The following HINFP variants were observed in gnomAD, a reference collection of about 807,000 sequenced individuals.
HINFP encodes histone H4 transcription factor, also known as MBD2 (methyl-CpG-binding protein)-interacting zinc finger protein.
HINFP carries 20 observed loss-of-function variants against 50.1 expected under a neutral mutation model. The ratio of observed to expected loss-of-function variants is 0.40; its 90% CI spans 0.28 to 0.58. HINFP has a LOEUF of 0.58. HINFP is among the 20% of genes least tolerant of loss of function. HINFP has a pLI of 0.45. For synonymous variants in HINFP, 247 were observed against 243.7 expected, an observed-to-expected ratio of 1.01 and a Z score of -0.13; for missense variants, 505 against 664.1, an observed-to-expected ratio of 0.76 and a Z score of 2.63.
At position 119,131,669 on chromosome 11, in the gene HINFP, G is replaced by A. The variant is rs760411445; in HGVS notation, c.523+23G>A. On this transcript the variant is annotated intron_variant, in intron 4 of 9. Transcript: ENST00000350777. The surrounding 1 kb of genome is among the most constrained non-coding windows in gnomAD (Gnocchi z 4.2). ...AAGGTAGGGCTGCTTCTTAACTTGTGGCTTCTGGAGGAAACGCTGGGGTTC... is the reference window on the plus strand; with the variant it reads ...AAGGTAGGGCTGCTTCTTAACTTGTAGCTTCTGGAGGAAACGCTGGGGTTC... 1 of 1,604,300 alleles carries A rather than the reference G, an allele frequency of 6.2e-7. No homozygotes were observed. The highest frequency in any genetic ancestry group is 1.7e-5 in the Admixed American group (1 of 60,006).
chr11:119,134,375 G>C lies in HINFP; in HGVS notation c.1431G>C (p.Glu477Asp). The part of the protein sequence containing the change: ...VNQTNAQGQQ[E>D]IVYYVLSEAP... ...AGACCAATGCCCAAGGCCAGCAAGA[G>C]ATCGTCTACTATGTGCTGTCTGAAG... Residue 477 changes from glutamate to aspartate, a missense_variant, in exon 10 of 10, where the codon GAG becomes GAC. Physicochemically the swap from Glu to Asp is conservative, Grantham distance 45. Coordinates refer to ENST00000350777, the MANE Select transcript of HINFP (RefSeq NM_198971.3). The surrounding 1 kb of genome is among the most constrained non-coding windows in gnomAD (Gnocchi z 4.3). 6.2e-7 allele frequency: 1 copy of C among 1,614,188 alleles called. No individual in the cohort carries two copies. Among genetic ancestry groups the C allele is most frequent in the Non-Finnish European group, 8.5e-7 (1 of 1,180,002 alleles).
intron 1 of HINFP, chr11:119,126,077 G>T (rs1205468140): frequency 6.6e-6 from 1 of 152,170 alleles, no homozygotes; most frequent in Admixed American, 6.5e-5. Flanking sequence ...TACCAGCTGG[G>T]CGTGGTGGCT....
intron 2 of HINFP, chr11:119,130,269 C>G (rs981496880): frequency 5.9e-6 from 1 of 168,658 alleles, no homozygotes; most frequent in Non-Finnish European, 1.3e-5. Flanking sequence ...CTTGCACACA[C>G]TCTCACCTCT....
rs1947931715 is a variant in HINFP at position 119,134,071 on chromosome 11, C to T, written c.1140-13C>T. On this transcript the variant is annotated splice_polypyrimidine_tract_variant and intron_variant, in intron 9 of 9. Transcript: ENST00000350777. This position sits in a 1 kb window ranked among gnomAD's most constrained non-coding sequence, Gnocchi z 4.3. ...GCCTGGGTTTGCTGCCCTTTATGCT[C>T]CTACCTCACCAGGTACAAGGAACAT... 2 of 1,614,142 alleles carry T rather than the reference C, an allele frequency of 1.2e-6. No homozygotes were observed.
In HINFP at chr11:119,133,167, C is replaced by T; in HGVS notation, c.1087C>T (p.His363Tyr). The change falls in exon 9 of 10, where the codon CAC becomes TAC. Residue 363 changes from histidine to tyrosine, a missense_variant. Transcript: ENST00000350777. ...CACACGGGGCAACAACCTCACCGTG[C>T]ACCTTCGCAAGAAGCACCAGTTCAA... ...CFTRGNNLTVHLRKKHQFKWP... is the reference protein window; with the variant it reads ...CFTRGNNLTVYLRKKHQFKWP... The T allele has an allele frequency of 1.2e-6, 2 of 1,614,248 alleles. No homozygotes were observed. The highest frequency in any genetic ancestry group is 1.7e-6 in the Non-Finnish European group (2 of 1,180,044).
intron 1 of HINFP, chr11:119,126,316 A>G (rs1565789944): frequency 6.7e-6 from 1 of 148,686 alleles, no homozygotes; most frequent in Non-Finnish European, 1.5e-5. Flanking sequence ...AAATCGAGCC[A>G]TTGCACTCCA....
intron 5 of HINFP, 141 bp downstream of exon 5, chr11:119,132,123 CTCTT>C: frequency 1.2e-6 from 1 of 835,518 alleles, no homozygotes; most frequent in South Asian, 1.6e-5. Context: ...CTCCCATAGT[CTCTT>C]TGCTGATTCA....
chr11:119,132,539 A>G lies in HINFP; in HGVS notation c.720A>G (p.Thr240=), dbSNP rs1309630196. The stretch of plus-strand genomic sequence containing the variant: ...CTCACTGTTCCAAGAGATTTGCCAC[A>G]GAGCGGCTATTGCGGGACCACATGC... ...QCSHCSKRFA[T]ERLLRDHMRN... Residue 240 remains threonine, a synonymous_variant, in exon 6 of 10, where the codon ACA becomes ACG. Coordinates refer to ENST00000350777, the MANE Select transcript of HINFP (RefSeq NM_198971.3). 2 of 1,614,190 alleles carry G rather than the reference A, an allele frequency of 1.2e-6. No individual in the cohort carries two copies. Among genetic ancestry groups the G allele is most frequent in the East Asian group, 2.2e-5 (1 of 44,874 alleles).
chr11:119,123,048 A>T (rs1947164825), intron 1 of HINFP, among the ~76,000 whole-genome samples: 1 of 133,520 alleles, frequency 7.5e-6, no homozygotes, highest in Non-Finnish European at 1.5e-5. Context: ...GAATCGCTTG[A>T]ACCTGGGAGG....
intron 1 of HINFP, chr11:119,123,705 T>G (rs998880056): frequency 3.1e-5 from 3 of 96,658 alleles, no homozygotes; most frequent in Non-Finnish European, 4.3e-5. Context: ...CCACATCGGC[T>G]GTTTTTTTTT....
At position 119,135,101 on chromosome 11, in the gene HINFP, G is replaced by C. The variant is rs200354127; in HGVS notation, c.*603G>C. 1 of 152,680 alleles carries C rather than the reference G, an allele frequency of 6.5e-6. No homozygotes were observed. The highest frequency in any genetic ancestry group is 1.5e-5 in the Non-Finnish European group (1 of 68,090). The allele number at this position is 152,680 out of a possible 1,614,324, so 9.5% of individuals were successfully genotyped here. ...GTGGCAGTTTACTAGGTAATGAGGA[G>C]ATACAGCCACCCAGAAGAGGAGCTG... On this transcript the variant is annotated 3_prime_UTR_variant, in exon 10 of 10. Transcript: ENST00000350777.
In HINFP at chr11:119,135,535, T is replaced by C. The variant is rs926447129; in HGVS notation, c.*1037T>C. 6.6e-6 allele frequency: 1 copy of C among 152,110 alleles called. No homozygotes were observed. The highest frequency in any genetic ancestry group is 1.5e-5 in the Non-Finnish European group (1 of 68,018). The allele number at this position is 152,110 out of a possible 1,614,324, so 9.4% of individuals were successfully genotyped here. A position where few individuals can be genotyped will look rare whatever the true frequency, so the allele number is the denominator to read the frequency against. On this transcript the variant is annotated 3_prime_UTR_variant, in exon 10 of 10. Transcript: ENST00000350777. ...TGCATTTTCCTGGGGAAAGGATCTG[T>C]TTTTTGCTAGATTATCAAAGAGATT... is the stretch of plus-strand genomic sequence containing the variant.
Position 119,134,649 on chromosome 11 carries a change from C to G in HINFP, c.*151C>G. On this transcript the variant is annotated 3_prime_UTR_variant, in exon 10 of 10. Coordinates refer to ENST00000350777, the MANE Select transcript of HINFP (RefSeq NM_198971.3). This position sits in a 1 kb window ranked among gnomAD's most constrained non-coding sequence, Gnocchi z 4.3. ...CACTCTGGCCTGGGTTTGCATCATT[C>G]TGCAGACTCTAAAGACTTCCCTTTT... 3.3e-6 allele frequency: 2 copies of G among 600,906 alleles called. No homozygotes were observed. The highest frequency in any genetic ancestry group is 4.7e-5 in the South Asian group (2 of 42,132). The allele number at this position is 600,906 out of a possible 1,614,324, so 37.2% of individuals were successfully genotyped here. A position where few individuals can be genotyped will look rare whatever the true frequency, so the allele number is the denominator to read the frequency against.
chr11:119,130,700 C>T, intron 2 of HINFP, 25 bp from the exon 3 acceptor site: 1 of 1,605,294 alleles, frequency 6.2e-7, no homozygotes, highest in Admixed American at 1.7e-5. Context: ...GTGTCAGACT[C>T]TTCCTTTTAA....
At position 119,132,717 on chromosome 11, in the gene HINFP, C is replaced by T. The variant is rs562905964; in HGVS notation, c.811C>T (p.Arg271Cys). The change falls in exon 7 of 10, where the codon CGC becomes TGC. Residue 271 changes from arginine (R) to cysteine (C), a missense_variant. Physicochemically the swap from Arg to Cys is radical, Grantham distance 180. Coordinates refer to ENST00000350777, the MANE Select transcript of HINFP (RefSeq NM_198971.3). ...GACCTGCCCGCTGCCTTCCTCCCTC[C>T]GCAACCACATGCGCTTTCGTCACAG... ...DMTCPLPSSLRNHMRFRHSED... is the reference protein window; with the variant it reads ...DMTCPLPSSLCNHMRFRHSED... 2.9e-5 allele frequency: 47 copies of T among 1,613,832 alleles called. No individual in the cohort carries two copies. Among genetic ancestry groups the T allele is most frequent in the South Asian group, 8.8e-5 (8 of 91,092 alleles).
At chr11:119,123,685 G>A (rs1947215072) in intron 1 of HINFP, 1 of 148,390 alleles carries the variant, frequency 6.7e-6, no homozygotes, top group Non-Finnish European at 1.5e-5. Flanking sequence ...GGGACTGCAG[G>A]TGCATGCTAC....
At chr11:119,128,607 C>T (rs1046863765) in intron 2 of HINFP, among the ~76,000 whole-genome samples, 13 of 152,176 alleles carry the variant, frequency 8.5e-5, no homozygotes, top group Middle Eastern at 3.4e-3. Flanking sequence ...GGATTATAGA[C>T]GTGAGCCACC....
Position 119,134,700 on chromosome 11 carries a change from C to G in HINFP, c.*202C>G, listed in dbSNP as rs1947979965. ...CTGCCAGACTACATTTTGTGGGGAG[C>G]CTGAGGACTCTGGATTCTTTGAGGG... On this transcript the variant is annotated 3_prime_UTR_variant, in exon 10 of 10. Coordinates refer to ENST00000350777, the MANE Select transcript of HINFP (RefSeq NM_198971.3). This position sits in a 1 kb window ranked among gnomAD's most constrained non-coding sequence, Gnocchi z 4.3. 1.9e-6 allele frequency: 1 copy of G among 516,478 alleles called. No individual in the cohort carries two copies. The highest frequency in any genetic ancestry group is 3.4e-5 in the South Asian group (1 of 29,256). The allele number at this position is 516,478 out of a possible 1,614,324, so 32.0% of individuals were successfully genotyped here.
At position 119,131,749 on chromosome 11, in the gene HINFP, C is replaced by CCTACAGGGGCAA; in HGVS notation, c.524-81_524-80insCTACAGGGGCAA. 5 of 1,602,220 alleles carry CCTACAGGGGCAA rather than the reference C, an allele frequency of 3.1e-6. No individual in the cohort carries two copies. Among genetic ancestry groups the CCTACAGGGGCAA allele is most frequent in the Non-Finnish European group, 4.3e-6 (5 of 1,170,728 alleles). On this transcript the variant is annotated intron_variant, in intron 4 of 9. Coordinates refer to ENST00000350777, the MANE Select transcript of HINFP (RefSeq NM_198971.3). This position sits in a 1 kb window ranked among gnomAD's most constrained non-coding sequence, Gnocchi z 4.2. ...GTCCTACAGGGGCAAGGTTGACTGC[C>CCTACAGGGGCAA]GGCTGGAGAGACTCAGGGGTACCAG...
Sources: gnomAD v4.1 joint callset for allele counts (sites outside exome capture counted in the v4.1 genomes callset) on GRCh38, gnomAD v4.1.1 for gene constraint, Gnocchi (gnomAD v3.1) non-coding constraint, MANE v1.5 for transcripts, NCBI Gene and HGNC (gene_info 2026-07-23, HGNC 2026-07-21) for gene names.